CCDC91: variants seen among roughly 807,000 people sequenced by gnomAD.
CCDC91 encodes the protein coiled-coil domain containing 91.
CCDC91 carries 48 observed loss-of-function variants against 63.2 expected under a neutral mutation model. That is an observed-to-expected ratio of 0.76 (90% confidence interval 0.60 to 0.97). The LOEUF (loss-of-function observed/expected upper bound fraction) is 0.97. Among genes scored for constraint, CCDC91 ranks in the 50% least tolerant of loss-of-function variants. The pLI, the probability that CCDC91 is intolerant of heterozygous loss-of-function variation, is 0.00. For missense variants in CCDC91, 500 were observed against 494.6 expected (o/e 1.01, Z -0.10); for synonymous variants, 167 against 165.8 (o/e 1.01, Z -0.06).
intron 7 of CCDC91, among the ~76,000 whole-genome samples, chr12:28,366,348 G>T (rs752263048): frequency 6.6e-6 from 1 of 152,138 alleles, no homozygotes; most frequent in Non-Finnish European, 1.5e-5. Context: ...ATAGCAATGG[G>T]CGTATAGAAA....
chr12:28,540,016 T>C (rs1223994749), intron 12 of CCDC91, among the ~76,000 whole-genome samples: 2 of 152,134 alleles, frequency 1.3e-5, no homozygotes, highest in African/African-American at 4.8e-5. Flanking sequence ...TTAGAATTCC[T>C]AGTGGGAATC....
chr12:28,412,522 C>T (rs998427268), intron 8 of CCDC91, among the ~76,000 whole-genome samples: 4 of 152,132 alleles, frequency 2.6e-5, no homozygotes, highest in African/African-American at 9.7e-5. Flanking sequence ...CTGGTGGGAT[C>T]GTGGTCTTGC....
intron 3 of CCDC91, among the ~76,000 whole-genome samples, chr12:28,274,598 A>G (rs187149191): frequency 6.6e-5 from 10 of 152,104 alleles, no homozygotes; most frequent in African/African-American, 2.4e-4. Flanking sequence ...ATTCTCTTTG[A>G]AGCAATTGTG....
At chr12:28,359,298 A>G (rs1324963507) in intron 6 of CCDC91, among the ~76,000 whole-genome samples, 1 of 152,274 alleles carries the variant, frequency 6.6e-6, no homozygotes, top group African/African-American at 2.4e-5. Context: ...TGATTACACT[A>G]TAATTGAAAT....
chr12:28,202,732 C>A (rs1841963), intron 1 of CCDC91, among the ~76,000 whole-genome samples: 1 of 152,210 alleles, frequency 6.6e-6, no homozygotes, highest in Non-Finnish European at 1.5e-5. Context: ...CTTTTCAATT[C>A]TTTACTGAGT....
chr12:28,539,136 C>A (rs1318366167), intron 12 of CCDC91, among the ~76,000 whole-genome samples: 1 of 152,148 alleles, frequency 6.6e-6, no homozygotes, highest in African/African-American at 2.4e-5. Context: ...TCAATTTTGG[C>A]TTTTGTTGCC....
At chr12:28,536,583 G>A (rs1942194804) in intron 12 of CCDC91, among the ~76,000 whole-genome samples, 1 of 151,916 alleles carries the variant, frequency 6.6e-6, no homozygotes, top group Non-Finnish European at 1.5e-5. Flanking sequence ...AACCTTTCTG[G>A]GCCAGTTTGT....
chr12:28,293,746 G>A (rs966818526), intron 3 of CCDC91, among the ~76,000 whole-genome samples: 11 of 150,934 alleles, frequency 7.3e-5, no homozygotes, highest in Non-Finnish European at 1.5e-4. Context: ...TTTTATTCCA[G>A]GAGATGGGGT....
At chr12:28,283,200 G>A (rs1244430848) in intron 3 of CCDC91, among the ~76,000 whole-genome samples, 1 of 147,446 alleles carries the variant, frequency 6.8e-6, no homozygotes, top group East Asian at 2.1e-4. Flanking sequence ...TTTTTTTTTG[G>A]TCCCATATGA....
intron 6 of CCDC91, among the ~76,000 whole-genome samples, chr12:28,345,148 T>G (rs1942716613): frequency 6.6e-6 from 1 of 152,114 alleles, no homozygotes; most frequent in African/African-American, 2.4e-5. Context: ...TGCTGCCCAC[T>G]TTTCCTTTCT....
intron 7 of CCDC91, among the ~76,000 whole-genome samples, chr12:28,371,271 C>T (rs1239983192): frequency 6.6e-6 from 1 of 152,114 alleles, no homozygotes; most frequent in African/African-American, 2.4e-5. Flanking sequence ...GTTCCACCAC[C>T]TCAGATCAGT....
intron 3 of CCDC91, among the ~76,000 whole-genome samples, chr12:28,299,212 C>G (rs1300779705): frequency 1.3e-5 from 2 of 151,510 alleles, no homozygotes; most frequent in Admixed American, 1.3e-4. Context: ...TTGTGACTTA[C>G]AGAAAACCTT....
chr12:28,286,119 A>C (rs1948900381), intron 3 of CCDC91, among the ~76,000 whole-genome samples: 1 of 152,062 alleles, frequency 6.6e-6, no homozygotes, highest in Non-Finnish European at 1.5e-5. Context: ...CAAAGAGCTA[A>C]GTATATATTT....
chr12:28,205,565 G>C (rs1942782310), intron 1 of CCDC91, among the ~76,000 whole-genome samples: 1 of 152,146 alleles, frequency 6.6e-6, no homozygotes, highest in South Asian at 2.1e-4. Context: ...CAAATTCAAA[G>C]AGACTGTATT....
At chr12:28,504,933 T>C (rs1938513751) in intron 12 of CCDC91, among the ~76,000 whole-genome samples, 1 of 151,952 alleles carries the variant, frequency 6.6e-6, no homozygotes. Context: ...AAATGACAGA[T>C]CAGTAGTGGC....
chr12:28,520,662 A>T (rs1157575797), intron 12 of CCDC91, among the ~76,000 whole-genome samples: 1 of 152,182 alleles, frequency 6.6e-6, no homozygotes, highest in African/African-American at 2.4e-5. Flanking sequence ...TATGTCCTGA[A>T]TGCTATTGTC....
intron 12 of CCDC91, among the ~76,000 whole-genome samples, chr12:28,547,287 A>G (rs1266668297): frequency 1.3e-5 from 2 of 152,138 alleles, no homozygotes; most frequent in Non-Finnish European, 2.9e-5. Context: ...TCTGTTTTAC[A>G]TATATTAAAA....
At chr12:28,396,637 G>A (rs1290213861) in intron 8 of CCDC91, among the ~76,000 whole-genome samples, 1 of 54,790 alleles carries the variant, frequency 1.8e-5, no homozygotes, top group Non-Finnish European at 4.3e-5. Context: ...CATTGATAAA[G>A]GAGATTTTGT....
At chr12:28,463,351 G>A (rs1441851454) in intron 11 of CCDC91, among the ~76,000 whole-genome samples, 1 of 152,152 alleles carries the variant, frequency 6.6e-6, no homozygotes. Flanking sequence ...AAGTCAAAGA[G>A]ACAAATTCGG....
Sources: gnomAD v4.1 joint callset for allele counts (sites outside exome capture counted in the v4.1 genomes callset) on GRCh38, gnomAD v4.1.1 for gene constraint, MANE v1.5 for transcripts, NCBI Gene and HGNC (gene_info 2026-07-23, HGNC 2026-07-21) for gene names.